TG: variants seen among roughly 807,000 people sequenced by gnomAD.
The protein encoded by TG is thyroid hormones.
A neutral mutation model predicts 324.7 loss-of-function variants in TG; 270 were observed. That is an observed-to-expected ratio of 0.83 (90% confidence interval 0.75 to 0.92). The LOEUF is 0.92. TG is among the 40% of genes least tolerant of loss of function. The probability of loss-of-function intolerance (pLI) is 0.00; values close to 1 mark genes in which losing one functional copy is unlikely to be tolerated. For missense variants in TG, 3,591 were observed against 3,456.4 expected (o/e 1.04, Z -0.98); for synonymous variants, 1,401 against 1,327.0 (o/e 1.06, Z -1.21).
At chr8:132,897,824 AC>A (rs769121194) in intron 12 of TG, 38 bp downstream of exon 12, 5 of 1,612,730 alleles carry the variant, frequency 3.1e-6, no homozygotes, top group Non-Finnish European at 4.2e-6. Flanking sequence ...GCCAAGTGAC[AC>A]CCCTTTTTTA....
rs188295333 is a variant in TG at position 133,037,148 on chromosome 8, C to G, written c.7239+7125C>G. ...GACAGACAGGGAGAGATACTGCAAG[C>G]ATGTTCCCCTCCTTCCCCAGGATCC... On this transcript the variant is annotated intron_variant, in intron 41 of 47. Transcript: ENST00000220616. The G allele has an allele frequency of 1.2e-4, 19 of 152,332 alleles. No individual in the cohort carries two copies. The East Asian group carries it at 3.3e-3, about 26-fold the overall frequency. The allele number at this position is 152,332 out of a possible 1,614,324, so 9.4% of individuals were successfully genotyped here.
intron 24 of TG, among the ~76,000 whole-genome samples, chr8:132,934,186 T>C (rs1009714729): frequency 6.6e-6 from 1 of 151,884 alleles, no homozygotes; most frequent in African/African-American, 2.4e-5. Context: ...TACAAAATAA[T>C]TAGCTGGGTG....
Position 132,897,718 on chromosome 8 carries a change from C to G in TG, c.3071C>G (p.Ser1024Trp), listed in dbSNP as rs962077113. ...DSAGASALLR[S>W]GPYMPQCDAF... Reference sequence around the variant, plus strand: ...GCTGGAGCATCCGCCCTTCTGCGGTCGGGCCCCTACATGCCACAGTGTGAT... The same window carrying G: ...GCTGGAGCATCCGCCCTTCTGCGGTGGGGCCCCTACATGCCACAGTGTGAT... Residue 1024 changes from serine to tryptophan, a missense_variant, in exon 12 of 48, where the codon TCG becomes TGG. Coordinates refer to ENST00000220616, the MANE Select transcript of TG (RefSeq NM_003235.5). 2 of 1,614,216 alleles carry G rather than the reference C, an allele frequency of 1.2e-6. No individual in the cohort carries two copies. The highest frequency in any genetic ancestry group is 1.7e-6 in the Non-Finnish European group (2 of 1,180,034).
At chr8:132,907,758 C>T (rs1315157125) in intron 17 of TG, among the ~76,000 whole-genome samples, 1 of 152,178 alleles carries the variant, frequency 6.6e-6, no homozygotes, top group African/African-American at 2.4e-5. Context: ...AAATCTTGAG[C>T]TCCTGAAGTT....
At chr8:133,052,099 G>A (rs1462132529) in intron 41 of TG, among the ~76,000 whole-genome samples, 1 of 152,144 alleles carries the variant, frequency 6.6e-6, no homozygotes, top group African/African-American at 2.4e-5. Context: ...GCCCAAACAA[G>A]CCACTTTCTA....
At chr8:133,100,869 G>A (rs78296236) in intron 43 of TG, among the ~76,000 whole-genome samples, 1 of 152,282 alleles carries the variant, frequency 6.6e-6, no homozygotes, top group East Asian at 1.9e-4. Flanking sequence ...AGCCTTAGGG[G>A]TTAGCCTAAG....
At chr8:133,124,161 C>A (rs1382546410) in intron 45 of TG, among the ~76,000 whole-genome samples, 2 of 152,022 alleles carry the variant, frequency 1.3e-5, no homozygotes, top group Non-Finnish European at 2.9e-5. Flanking sequence ...GGGGGCTGGG[C>A]CAGCTGTGGA....
intron 16 of TG, among the ~76,000 whole-genome samples, chr8:132,905,861 A>G (rs1415825839): frequency 9.2e-5 from 14 of 152,308 alleles, no homozygotes; most frequent in African/African-American, 3.1e-4. Flanking sequence ...TTGAGTTGAT[A>G]TTTGAGGGTC....
rs559763664 is a variant in TG, at chr8:133,017,679, AT to A, written c.6563-94del. On this transcript the variant is annotated intron_variant, in intron 37 of 47. Coordinates refer to ENST00000220616, the MANE Select transcript of TG (RefSeq NM_003235.5). ...ACATTTTCAAGGTGCAAAAACCGTG[AT>A]TTTTCTTTTGTTGAAAGCACATTCA... is the stretch of plus-strand genomic sequence containing the variant. The A allele has an allele frequency of 6.8e-5, 82 of 1,201,434 alleles. No individual in the cohort carries two copies. The East Asian group carries it at 1.8e-3, about 26-fold the overall frequency. 74.4% of individuals were successfully genotyped at this position (1,201,434 alleles called of 1,614,324 possible). A position where few individuals can be genotyped will look rare whatever the true frequency, so the allele number is the denominator to read the frequency against.
intron 41 of TG, among the ~76,000 whole-genome samples, chr8:133,069,001 A>C (rs1201223268): frequency 6.6e-6 from 1 of 152,256 alleles, no homozygotes; most frequent in East Asian, 1.9e-4. Flanking sequence ...GGCAATGAAG[A>C]AAGAGTGGTA....
chr8:133,105,006 A>T (rs781017601), intron 43 of TG, among the ~76,000 whole-genome samples: 11 of 152,284 alleles, frequency 7.2e-5, no homozygotes, highest in Middle Eastern at 3.4e-3. Context: ...TAATGAACAA[A>T]GGAGTGTTGT....
At chr8:132,875,523 C>A (rs1839875497) in intron 5 of TG, among the ~76,000 whole-genome samples, 1 of 152,208 alleles carries the variant, frequency 6.6e-6, no homozygotes, top group South Asian at 2.1e-4. Flanking sequence ...CATCTCTGTT[C>A]CCCTACAGTG....
At position 132,929,150 on chromosome 8, in the gene TG, A is replaced by G; in HGVS notation, c.4774A>G (p.Lys1592Glu). ...CAATGCTCCTGTGGCTGTCAGATCC[A>G]AAGTTCCTGATTCTGAGTTCCCCGT... Reference protein sequence around the residue: ...DANAPVAVRSKVPDSEFPVMQ... With the variant: ...DANAPVAVRSEVPDSEFPVMQ... The change falls in exon 23 of 48, where the codon AAA becomes GAA. Residue 1592 changes from lysine to glutamate, a missense_variant. By Grantham distance (56) the Lys-to-Glu change is moderately conservative. Coordinates refer to ENST00000220616, the MANE Select transcript of TG (RefSeq NM_003235.5). 1 of 1,614,174 alleles carries G rather than the reference A, an allele frequency of 6.2e-7. No individual in the cohort carries two copies. Among genetic ancestry groups the G allele is most frequent in the Non-Finnish European group, 8.5e-7 (1 of 1,180,028 alleles).
At chr8:132,935,544 CTAAT>C (rs984758689) in intron 24 of TG, among the ~76,000 whole-genome samples, 19 of 152,180 alleles carry the variant, frequency 1.2e-4, no homozygotes, top group African/African-American at 4.6e-4. Flanking sequence ...TCCTTCCTCT[CTAAT>C]TACCTCTTCT....
Position 132,886,649 on chromosome 8 carries a change from T to G in TG, c.1277T>G (p.Val426Gly). 6.2e-7 allele frequency: 1 copy of G among 1,614,174 alleles called. No homozygotes were observed. Among genetic ancestry groups the G allele is most frequent in the Non-Finnish European group, 8.5e-7 (1 of 1,180,040 alleles). The stretch of plus-strand genomic sequence containing the variant: ...GACTCTGGGCTTCTCCGCCCAATGG[T>G]GGAGGGACAGAGCCAACAGTTTTCT... Reference protein sequence around the residue: ...FVDSGLLRPMVEGQSQQFSVS... With the variant: ...FVDSGLLRPMGEGQSQQFSVS... Residue 426 changes from valine (V) to glycine (G), a missense_variant, in exon 9 of 48, where the codon GTG becomes GGG. Val to Gly is a moderately radical substitution (Grantham distance 109). Coordinates refer to ENST00000220616, the MANE Select transcript of TG (RefSeq NM_003235.5).
chr8:133,108,003 A>G (rs149270934), intron 43 of TG, among the ~76,000 whole-genome samples: 1,349 of 65,432 alleles, frequency 0.021, 24 homozygotes, highest in African/African-American at 0.095. Context: ...TTTTTTTTTG[A>G]GACAGAGTCT....
intron 24 of TG, 81 bp downstream of exon 24, chr8:132,933,757 GC>G: frequency 1.6e-6 from 2 of 1,283,406 alleles, no homozygotes; most frequent in East Asian, 2.3e-5. Flanking sequence ...CAGCAGGCTG[GC>G]CAGGCGATGG....
chr8:132,917,082 C>A (rs13269733), intron 20 of TG, among the ~76,000 whole-genome samples: 10,811 of 108,962 alleles, frequency 0.099, 970 homozygotes, highest in African/African-American at 0.15. Flanking sequence ...TCCTTCCTTC[C>A]TTCCCTTACT....
At chr8:133,106,618 T>C (rs778462501) in intron 43 of TG, among the ~76,000 whole-genome samples, 3 of 152,040 alleles carry the variant, frequency 2.0e-5, no homozygotes, top group Non-Finnish European at 4.4e-5. Context: ...CCCTACCCTC[T>C]CTTGTCTGGA....
Sources: gnomAD v4.1 joint callset for allele counts (sites outside exome capture counted in the v4.1 genomes callset) on GRCh38, gnomAD v4.1.1 for gene constraint, MANE v1.5 for transcripts, NCBI Gene and HGNC (gene_info 2026-07-23, HGNC 2026-07-21) for gene names.